The following KDM4B variants were observed in gnomAD, a reference collection of about 807,000 sequenced individuals.
KDM4B encodes lysine demethylase 4B, also known as lysine-specific demethylase 4B.
A neutral mutation model predicts 125.2 loss-of-function variants in KDM4B; 32 were observed. The observed-to-expected ratio is 0.26, with a 90% CI of 0.19 to 0.34. The LOEUF (loss-of-function observed/expected upper bound fraction) is 0.34. Ranked by LOEUF, KDM4B falls within the 10% of genes least tolerant of loss-of-function variation. The probability of loss-of-function intolerance (pLI) is 1.00; values close to 1 mark genes in which losing one functional copy is unlikely to be tolerated. For synonymous variants in KDM4B, 721 were observed against 677.9 expected, an observed-to-expected ratio of 1.06 and a Z score of -0.99; for missense variants, 1,190 against 1,577.7, an observed-to-expected ratio of 0.75 and a Z score of 4.16.
intron 10 of KDM4B, among the ~76,000 whole-genome samples, chr19:5,116,373 A>G (rs2039256682): frequency 6.6e-6 from 1 of 152,184 alleles, no homozygotes; most frequent in Admixed American, 6.5e-5. Flanking sequence ...AATTCTCCCC[A>G]AATCTTTTAC....
chr19:5,067,559 G>A (rs563265142), intron 6 of KDM4B, among the ~76,000 whole-genome samples: 1 of 152,182 alleles, frequency 6.6e-6, no homozygotes, highest in South Asian at 2.1e-4. Flanking sequence ...GGGGTCCCGG[G>A]GAGGTTGACA....
At chr19:5,147,912 G>A (rs1906211604) in intron 21 of KDM4B, among the ~76,000 whole-genome samples, 2 of 152,198 alleles carry the variant, frequency 1.3e-5, no homozygotes. Flanking sequence ...AACGCCCGCT[G>A]TGTGGTGGCC....
chr19:5,029,147 G>A (rs1435417159), intron 2 of KDM4B, among the ~76,000 whole-genome samples: 1 of 152,248 alleles, frequency 6.6e-6, no homozygotes, highest in Non-Finnish European at 1.5e-5. Flanking sequence ...CTGGCCTCAA[G>A]TGATCTTCCT....
intron 9 of KDM4B, among the ~76,000 whole-genome samples, chr19:5,103,366 C>T (rs902778044): frequency 1.3e-5 from 2 of 152,224 alleles, no homozygotes; most frequent in Admixed American, 6.5e-5. Context: ...ATCTCTGCGT[C>T]GGGTCCCGCT....
At chr19:4,984,586 C>T (rs146183242) in intron 1 of KDM4B, among the ~76,000 whole-genome samples, 3 of 152,232 alleles carry the variant, frequency 2.0e-5, no homozygotes, top group South Asian at 4.1e-4. Flanking sequence ...CCGTACGCCT[C>T]GTCAGGTTTT....
chr19:4,994,640 T>A (rs2035144774), intron 1 of KDM4B, among the ~76,000 whole-genome samples: 1 of 152,070 alleles, frequency 6.6e-6, no homozygotes, highest in Admixed American at 6.6e-5. Context: ...GGATCTTGTT[T>A]TTTAAATCCA....
At chr19:5,042,500 G>GAA (rs536876348) in intron 5 of KDM4B, among the ~76,000 whole-genome samples, 3 of 102,264 alleles carry the variant, frequency 2.9e-5, no homozygotes, top group Non-Finnish European at 4.3e-5. Flanking sequence ...TACGTCACAA[G>GAA]AAAAAAAAAA....
At chr19:5,055,998 T>A (rs757861172) in intron 6 of KDM4B, among the ~76,000 whole-genome samples, 26 of 152,134 alleles carry the variant, frequency 1.7e-4, no homozygotes, top group Non-Finnish European at 3.5e-4. Flanking sequence ...GTCTTTTCTG[T>A]CCCCTGAACC....
At chr19:5,109,362 C>T (rs1250359883) in intron 9 of KDM4B, among the ~76,000 whole-genome samples, 1 of 152,184 alleles carries the variant, frequency 6.6e-6, no homozygotes, top group East Asian at 1.9e-4. Flanking sequence ...TTCTCTGGCC[C>T]CAAGTCCCTG....
chr19:4,975,713 C>T (rs527608112), intron 1 of KDM4B, among the ~76,000 whole-genome samples: 1 of 151,680 alleles, frequency 6.6e-6, no homozygotes, highest in South Asian at 2.1e-4. Context: ...CTACTTCAGC[C>T]TCTTGAGTAG....
chr19:5,078,878 C>G lies in KDM4B; in HGVS notation c.780+1408C>G. The stretch of plus-strand genomic sequence containing the variant: ...CCGCCAGCTGGTTGCTGGGGCCGGG[C>G]GCCAGTTTCTCCAGAGGCTGCCACA... On this transcript the variant is annotated intron_variant, in intron 8 of 22. Coordinates refer to ENST00000159111, the MANE Select transcript of KDM4B (RefSeq NM_015015.3). This position sits in a 1 kb window ranked among gnomAD's most constrained non-coding sequence, Gnocchi z 4.5. The G allele has an allele frequency of 6.6e-6, 1 of 152,106 alleles. No individual in the cohort carries two copies. Among genetic ancestry groups the G allele is most frequent in the East Asian group, 1.9e-4 (1 of 5,138 alleles). The allele number at this position is 152,106 out of a possible 1,614,324, so 9.4% of individuals were successfully genotyped here. A position where few individuals can be genotyped will look rare whatever the true frequency, so the allele number is the denominator to read the frequency against.
chr19:4,972,381 G>A (rs887373479), intron 1 of KDM4B, among the ~76,000 whole-genome samples: 1 of 152,146 alleles, frequency 6.6e-6, no homozygotes, highest in Non-Finnish European at 1.5e-5. Context: ...GGTAAAAGGC[G>A]CTGAAGCTTG....
intron 1 of KDM4B, among the ~76,000 whole-genome samples, chr19:4,979,177 G>A (rs1206817155): frequency 6.6e-6 from 1 of 152,170 alleles, no homozygotes; most frequent in Non-Finnish European, 1.5e-5. Context: ...CAGCTACTCG[G>A]GAGGCTGAGG....
rs555629684 is a variant in KDM4B at position 5,061,269 on chromosome 19, G to A, written c.627-9741G>A. On this transcript the variant is annotated intron_variant, in intron 6 of 22. Coordinates refer to ENST00000159111, the MANE Select transcript of KDM4B (RefSeq NM_015015.3). ...CCAGGCTCCCCATCTTCCCTGAGCCGAGGCTCCCAGGACTCTGCTGGTCTC... is the reference window on the plus strand; with the variant it reads ...CCAGGCTCCCCATCTTCCCTGAGCCAAGGCTCCCAGGACTCTGCTGGTCTC... Among the ~76,000 whole-genome samples the A allele has an allele frequency of 9.8e-5, 15 of 152,334 alleles. No individual in the cohort carries two copies. The East Asian group carries it at 1.7e-3, about 18-fold the overall frequency.
intron 1 of KDM4B, among the ~76,000 whole-genome samples, chr19:4,995,362 C>A (rs982582624): frequency 1.3e-5 from 2 of 151,906 alleles, no homozygotes; most frequent in African/African-American, 4.8e-5. Context: ...GGCAACAGAG[C>A]AAGAATCCTG....
intron 2 of KDM4B, 85 bp from the exon 3 acceptor site, chr19:5,032,781 G>A (rs1459918958): frequency 3.8e-5 from 50 of 1,317,044 alleles, no homozygotes; most frequent in Admixed American, 1.1e-4. Flanking sequence ...GGTATTTTTA[G>A]CACGCTCCGT....
chr19:5,061,943 G>C (rs987422941), intron 6 of KDM4B, among the ~76,000 whole-genome samples: 1 of 152,196 alleles, frequency 6.6e-6, no homozygotes, highest in Non-Finnish European at 1.5e-5. Flanking sequence ...CTTGGGAGGA[G>C]CCGTGCAGCC....
intron 6 of KDM4B, among the ~76,000 whole-genome samples, chr19:5,055,780 C>A (rs1199222424): frequency 1.3e-5 from 2 of 152,220 alleles, no homozygotes; most frequent in Admixed American, 6.5e-5. Context: ...GTCTTCTCCC[C>A]CTTTCTCTCT....
chr19:5,111,773 A>G lies in KDM4B; in HGVS notation c.1115+955A>G, dbSNP rs376358943. 49 of 765,084 alleles carry G rather than the reference A, an allele frequency of 6.4e-5. No homozygotes were observed. The African/African-American group carries it at 7.6e-4, about 12-fold the overall frequency. The allele number at this position is 765,084 out of a possible 1,614,324, so 47.4% of individuals were successfully genotyped here. On this transcript the variant is annotated intron_variant, in intron 10 of 22. Coordinates refer to ENST00000159111, the MANE Select transcript of KDM4B (RefSeq NM_015015.3). ...AACATTTGTGACTTGGCGACTTTGC[A>G]GGCCAGGCCTCCTGTGTCTCGACGT...
Sources: allele counts gnomAD v4.1 joint callset (sites outside exome capture counted in the v4.1 genomes callset), GRCh38; gene constraint gnomAD v4.1.1; non-coding constraint Gnocchi (gnomAD v3.1); transcripts MANE v1.5; gene names NCBI Gene and HGNC (gene_info 2026-07-23, HGNC 2026-07-21).